Variants in FAM120C observed in about 807,000 individuals in gnomAD.
FAM120C encodes the protein family with sequence similarity 120 member C, also known as constitutive coactivator of PPAR-gamma-like protein 2.
In FAM120C, 14 loss-of-function variants were observed where a neutral mutation model predicts 71.2. The observed-to-expected ratio is 0.20, with a 90% CI of 0.13 to 0.31. FAM120C has a LOEUF of 0.31. FAM120C is among the 10% of genes least tolerant of loss of function. The pLI, the probability that FAM120C is intolerant of heterozygous loss-of-function variation, is 1.00. For missense variants in FAM120C, 500 were observed against 879.0 expected (o/e 0.57, Z 5.45); for synonymous variants, 354 against 353.2 (o/e 1.00, Z -0.03).
At chrX:54,134,439 C>T (rs1273785230) in intron 7 of FAM120C, among the ~76,000 whole-genome samples, 1 of 112,241 alleles carries the variant, frequency 8.9e-6, no homozygotes, top group African/African-American at 3.2e-5. Context: ...ATCCTCAGAA[C>T]CCTGTCTTAG....
At chrX:54,154,251 G>A (rs782638947) in intron 3 of FAM120C, among the ~76,000 whole-genome samples, 135 of 100,329 alleles carry the variant, frequency 1.3e-3, no homozygotes, top group African/African-American at 4.5e-3. Context: ...TGACAAATGA[G>A]ATGTGGGGTA....
intron 1 of FAM120C, among the ~76,000 whole-genome samples, chrX:54,174,742 C>T (rs926818521): frequency 4.5e-5 from 5 of 111,722 alleles, no homozygotes; most frequent in African/African-American, 6.5e-5. Flanking sequence ...TGAAAATAAA[C>T]GAAGTTCTTT....
At chrX:54,143,668 G>A (rs990169566) in intron 4 of FAM120C, among the ~76,000 whole-genome samples, 2 of 111,559 alleles carry the variant, frequency 1.8e-5, no homozygotes, top group African/African-American at 3.3e-5. Context: ...ATTAAATTGA[G>A]GCAATAATTA....
At chrX:54,155,518 A>G (rs1557133591) in intron 3 of FAM120C, among the ~76,000 whole-genome samples, 1 of 111,686 alleles carries the variant, frequency 9.0e-6, no homozygotes, top group African/African-American at 3.3e-5. Context: ...CCCTGTTGAG[A>G]GCAATTTCAG....
intron 11 of FAM120C, among the ~76,000 whole-genome samples, chrX:54,088,324 G>C (rs2066804771): frequency 9.0e-6 from 1 of 111,497 alleles, no homozygotes; most frequent in African/African-American, 3.3e-5. Flanking sequence ...AGGTGCAGTG[G>C]CTCACGCCTG....
intron 13 of FAM120C, among the ~76,000 whole-genome samples, chrX:54,083,478 C>CACACACACACACA (rs782758591): frequency 1.9e-4 from 19 of 101,736 alleles, no homozygotes; most frequent in African/African-American, 3.9e-4. Flanking sequence ...CACACACACA[C>CACACACACACACA]CAAAATATTA....
In FAM120C at chrX:54,182,631, C is replaced by A; in HGVS notation, c.568G>T (p.Glu190Ter). The change falls in exon 1 of 16, where the codon GAG becomes TAG. Residue 190 changes from glutamate to a stop codon, truncating the protein, a stop_gained. Coordinates refer to ENST00000375180, the MANE Select transcript of FAM120C (RefSeq NM_017848.6). LOFTEE classifies it high-confidence loss of function. ...LAEWGRRCQA[E>*]RQTAQLIVGH... ...ACGATCAGTTGCGCTGTCTGCCGCT[C>A]GGCCTGGCACCGACGGCCCCACTCG... 1 of 1,206,860 alleles carries A rather than the reference C, an allele frequency of 8.3e-7. No homozygotes were observed. The highest frequency in any genetic ancestry group is 1.1e-6 in the Non-Finnish European group (1 of 893,823).
chrX:54,155,136 C>T (rs1557133526), intron 3 of FAM120C, among the ~76,000 whole-genome samples: 2 of 111,056 alleles, frequency 1.8e-5, no homozygotes, highest in Non-Finnish European at 3.8e-5. Flanking sequence ...TCCGGGAGTT[C>T]GAGGCTGTAG....
At chrX:54,132,080 G>A (rs976571970) in intron 9 of FAM120C, among the ~76,000 whole-genome samples, 9 of 108,629 alleles carry the variant, frequency 8.3e-5, no homozygotes, top group African/African-American at 3.0e-4. Context: ...TTTTGAGACA[G>A]GGTCTCACTC....
Position 54,081,447 on chromosome X carries a change from G to A in FAM120C, c.2853C>T (p.Ile951=), listed in dbSNP as rs782413881. 1.4e-5 allele frequency: 17 copies of A among 1,208,359 alleles called. No individual in the cohort carries two copies. Among genetic ancestry groups the A allele is most frequent in the Non-Finnish European group, 1.2e-5 (11 of 894,139 alleles). ...TCTCCAGTTTTCCTCCTTGGGGTGG[G>A]ATTGGATGGAGACCTGGCAAGATAG... The part of the protein sequence containing the change: ...RSRGFAGLHP[I]PPQGGKLEIA... Residue 951 remains isoleucine, a synonymous_variant, in exon 14 of 16, where the codon ATC becomes ATT. Transcript: ENST00000375180.
At chrX:54,092,954 T>C (rs1269579127) in intron 10 of FAM120C, among the ~76,000 whole-genome samples, 1 of 112,075 alleles carries the variant, frequency 8.9e-6, no homozygotes, top group Non-Finnish European at 1.9e-5. Flanking sequence ...AAGATTTGAA[T>C]AGTACAATAA....
chrX:54,079,348 G>T (rs148551694), intron 15 of FAM120C, among the ~76,000 whole-genome samples: 1,313 of 110,635 alleles, frequency 0.012, 9 homozygotes, highest in Middle Eastern at 0.028. Context: ...ACGGAGCTGC[G>T]AGGATTGCGT....
At chrX:54,161,654 C>T (rs2067236057) in intron 1 of FAM120C, among the ~76,000 whole-genome samples, 1 of 112,350 alleles carries the variant, frequency 8.9e-6, no homozygotes, top group African/African-American at 3.2e-5. Context: ...TTTTTGGAAA[C>T]AGAGTCTTAC....
At chrX:54,080,208 A>C (rs1308807746) in intron 15 of FAM120C, 24 bp downstream of exon 15, 5 of 1,176,801 alleles carry the variant, frequency 4.2e-6, no homozygotes, top group Non-Finnish European at 5.8e-6. Context: ...ACAGAAGCTA[A>C]ATAATCTCAA....
chrX:54,108,277 A>G (rs1185741356), intron 10 of FAM120C, among the ~76,000 whole-genome samples: 1 of 110,884 alleles, frequency 9.0e-6, no homozygotes, highest in Non-Finnish European at 1.9e-5. Context: ...GACATAAAGG[A>G]AGAAACCTGA....
At chrX:54,126,251 C>G (rs1206360323) in intron 9 of FAM120C, among the ~76,000 whole-genome samples, 1 of 112,088 alleles carries the variant, frequency 8.9e-6, no homozygotes, top group Non-Finnish European at 1.9e-5. Flanking sequence ...TGTTGAAGAG[C>G]AGTAGAAAGA....
chrX:54,144,225 A>C (rs1257072907), intron 4 of FAM120C, among the ~76,000 whole-genome samples: 1 of 111,153 alleles, frequency 9.0e-6, no homozygotes, highest in Non-Finnish European at 1.9e-5. Context: ...ATGGGCAAAA[A>C]CTGGAAGCAT....
At chrX:54,108,444 A>T (rs1162630479) in intron 10 of FAM120C, among the ~76,000 whole-genome samples, 1 of 110,958 alleles carries the variant, frequency 9.0e-6, no homozygotes, top group East Asian at 2.8e-4. Flanking sequence ...TTATATATGG[A>T]AGAGTAAGGG....
Position 54,132,750 on chromosome X carries a change from C to T in FAM120C, c.2004G>A (p.Leu668=), listed in dbSNP as rs782374695. 1 of 1,208,794 alleles carries T rather than the reference C, an allele frequency of 8.3e-7. No individual in the cohort carries two copies. The highest frequency in any genetic ancestry group is 1.1e-6 in the Non-Finnish European group (1 of 894,321). The change falls in exon 9 of 16, where the codon CTG becomes CTA. Residue 668 remains leucine (L), a synonymous_variant. Coordinates refer to ENST00000375180, the MANE Select transcript of FAM120C (RefSeq NM_017848.6). ...GTTCCATTTTCCTCTGTGTCTCTGC[C>T]AGACTAAAAAGAACTCCATATACAT... ...RQYVYGVLFS[L]AETQRKMERL... is the part of the protein sequence containing the mutation.
Sources: gnomAD v4.1 joint callset for allele counts (sites outside exome capture counted in the v4.1 genomes callset) on GRCh38, gnomAD v4.1.1 for gene constraint, MANE v1.5 for transcripts, NCBI Gene and HGNC (gene_info 2026-07-23, HGNC 2026-07-21) for gene names.